Variants in EIF5B observed in about 807,000 individuals in gnomAD.
EIF5B encodes the protein eIF-5B.
In EIF5B, 47 loss-of-function variants were observed where a neutral mutation model predicts 147.5. The ratio of observed to expected loss-of-function variants is 0.32; its 90% confidence interval spans 0.25 to 0.41. The LOEUF is 0.41. Ranked by LOEUF, EIF5B falls within the 10% of genes least tolerant of loss-of-function variation. The probability of loss-of-function intolerance (pLI) is 1.00; values close to 1 mark genes in which losing one functional copy is unlikely to be tolerated. For synonymous variants in EIF5B, 455 were observed against 456.2 expected, an observed-to-expected ratio of 1.00 and a Z score of 0.03; for missense variants, 1,064 against 1,413.2, an observed-to-expected ratio of 0.75 and a Z score of 3.96.
Position 99,398,552 on chromosome 2 carries a change from C to T in EIF5B, c.3394-196C>T, listed in dbSNP as rs529053599. On this transcript the variant is annotated intron_variant, in intron 22 of 23. Coordinates refer to ENST00000289371, the MANE Select transcript of EIF5B (RefSeq NM_015904.4). Reference sequence around the variant, plus strand: ...CATTATCTCCTGTCATTCTTACAACCATCATGAAGGGAATAGGGTGTTGGT... The same window carrying T: ...CATTATCTCCTGTCATTCTTACAACTATCATGAAGGGAATAGGGTGTTGGT... 6.5e-4 allele frequency: 326 copies of T among 498,862 alleles called. 2 individuals carry two copies. Among genetic ancestry groups the T allele is most frequent in the Non-Finnish European group, 1.0e-3 (286 of 282,052 alleles). The allele number at this position is 498,862 out of a possible 1,614,324, so 30.9% of individuals were successfully genotyped here.
chr2:99,364,173 T>C (rs1357548579), intron 5 of EIF5B, 98 bp from the exon 6 acceptor site: 6 of 1,447,146 alleles, frequency 4.1e-6, no homozygotes, highest in Non-Finnish European at 9.2e-7. Flanking sequence ...ACTTTGCATG[T>C]GTCTCAAGAG....
intron 1 of EIF5B, among the ~76,000 whole-genome samples, chr2:99,343,307 A>G (rs2094264791): frequency 6.6e-6 from 1 of 151,130 alleles, no homozygotes; most frequent in Non-Finnish European, 1.5e-5. Flanking sequence ...TAGTCTGGAT[A>G]CTAGATCCTT....
intron 17 of EIF5B, 25 bp downstream of exon 17, chr2:99,390,730 C>G: frequency 6.3e-7 from 1 of 1,587,454 alleles, no homozygotes; most frequent in Non-Finnish European, 8.6e-7. Flanking sequence ...GAAGCATTGA[C>G]ACGTGGGGAC....
intron 9 of EIF5B, among the ~76,000 whole-genome samples, chr2:99,372,507 T>G (rs1674474329): frequency 6.6e-6 from 1 of 152,106 alleles, no homozygotes; most frequent in East Asian, 1.9e-4. Flanking sequence ...CCCAGCTAAT[T>G]TTGTATTTTT....
At chr2:99,376,236 T>A in intron 9 of EIF5B, 111 bp from the exon 10 acceptor site, 1 of 641,270 alleles carries the variant, frequency 1.6e-6, no homozygotes, top group Non-Finnish European at 2.5e-6. Flanking sequence ...CTTCTTGTAA[T>A]GTGGCTCAGG....
At chr2:99,379,533 C>A in intron 12 of EIF5B, 105 bp downstream of exon 12, 1 of 795,232 alleles carries the variant, frequency 1.3e-6, no homozygotes, top group Non-Finnish European at 2.0e-6. Context: ...GCTCCATATA[C>A]TCACCATTCA....
rs1427628618 is a variant in EIF5B, at chr2:99,361,277, A to G, written c.376A>G (p.Thr126Ala). Residue 126 changes from threonine (T) to alanine (A), a missense_variant, in exon 4 of 24, where the codon ACT becomes GCT. By Grantham distance (58) the Thr-to-Ala change is moderately conservative. Transcript: ENST00000289371. ...AGATAAAGATTCAAAATCAAAAAAG[A>G]CTGCAAAACCGAAAGTGGAAATGTA... is the stretch of plus-strand genomic sequence containing the variant. ...LEDKDSKSKK[T>A]AKPKVEMYSG... 9.3e-6 allele frequency: 15 copies of G among 1,612,976 alleles called. No individual in the cohort carries two copies. Among genetic ancestry groups the G allele is most frequent in the Non-Finnish European group, 1.3e-5 (15 of 1,179,750 alleles).
At chr2:99,399,259 C>G in intron 23 of EIF5B, 48 bp from the exon 24 acceptor site, 1 of 1,569,480 alleles carries the variant, frequency 6.4e-7, no homozygotes, top group Non-Finnish European at 8.8e-7. Flanking sequence ...CTTTCTTTGG[C>G]ACGTTTGTTA....
chr2:99,350,280 A>G (rs1317842891), intron 1 of EIF5B, among the ~76,000 whole-genome samples: 2 of 152,170 alleles, frequency 1.3e-5, no homozygotes, highest in Admixed American at 6.6e-5. Flanking sequence ...CAACATAGCA[A>G]TTTCATTTCC....
At chr2:99,377,979 C>T (rs1324822974) in intron 10 of EIF5B, among the ~76,000 whole-genome samples, 10 of 152,144 alleles carry the variant, frequency 6.6e-5, no homozygotes, top group African/African-American at 2.4e-4. Context: ...TTTAACACTT[C>T]ACTAAGTGTG....
intron 20 of EIF5B, 39 bp downstream of exon 20, chr2:99,394,624 G>A (rs368124870): frequency 2.2e-5 from 36 of 1,612,860 alleles, no homozygotes; most frequent in South Asian, 6.6e-5. Flanking sequence ...TTCATGTTAC[G>A]TAGCTATCTT....
intron 9 of EIF5B, among the ~76,000 whole-genome samples, chr2:99,375,005 T>C (rs1402510951): frequency 6.6e-6 from 1 of 152,202 alleles, no homozygotes; most frequent in Non-Finnish European, 1.5e-5. Context: ...TAGATCCATC[T>C]TTTGAGTTCT....
At position 99,361,837 on chromosome 2, in the gene EIF5B, G is replaced by C; in HGVS notation, c.919+17G>C. The C allele has an allele frequency of 6.6e-7, 1 of 1,506,336 alleles. No individual in the cohort carries two copies. The highest frequency in any genetic ancestry group is 1.4e-5 in the South Asian group (1 of 70,670). 93.3% of individuals were successfully genotyped at this position (1,506,336 alleles called of 1,614,324 possible). A position where few individuals can be genotyped will look rare whatever the true frequency, so the allele number is the denominator to read the frequency against. ...CTGCAGAAGGTTGGTTAATACTTTA[G>C]AGGAAAGAGCAAAAGGCTTTTGATT... On this transcript the variant is annotated intron_variant, in intron 4 of 23. Transcript: ENST00000289371.
chr2:99,381,516 GGGGTGTGT>G lies in EIF5B; in HGVS notation c.2062-641_2062-634del, dbSNP rs1179520781. On this transcript the variant is annotated intron_variant, in intron 12 of 23. Transcript: ENST00000289371. ...ATGTAGATAAGCATAATACAAAAAG[GGGGTGTGT>G]GTGTGTGTGTGTGTGTGTGTGTGTG... Among the ~76,000 whole-genome samples, 63 of 134,792 alleles carry G rather than the reference GGGGTGTGT, an allele frequency of 4.7e-4. 1 individual carries two copies. Among genetic ancestry groups the G allele is most frequent in the Admixed American group, 7.3e-4 (10 of 13,656 alleles). The allele number at this position is 134,792 out of a possible 152,430, so 88.4% of individuals were successfully genotyped here.
intron 1 of EIF5B, among the ~76,000 whole-genome samples, chr2:99,355,885 T>A (rs2032638177): frequency 1.3e-5 from 2 of 152,210 alleles, no homozygotes; most frequent in Admixed American, 1.3e-4. Context: ...AGTGCTGGGA[T>A]TACAGGCGTG....
chr2:99,340,007 A>C (rs963073402), intron 1 of EIF5B, among the ~76,000 whole-genome samples: 3 of 152,150 alleles, frequency 2.0e-5, no homozygotes, highest in African/African-American at 7.2e-5. Flanking sequence ...TTATTTTCTC[A>C]TATACCAATA....
intron 1 of EIF5B, among the ~76,000 whole-genome samples, chr2:99,346,589 C>CTTTTTTT (rs773411395): frequency 3.2e-5 from 2 of 61,670 alleles, no homozygotes; most frequent in Non-Finnish European, 5.5e-5. Flanking sequence ...AGTTGTATCT[C>CTTTTTTT]TTTTTTTTTT....
chr2:99,390,153 T>G, intron 15 of EIF5B, 66 bp from the exon 16 acceptor site: 2 of 1,572,278 alleles, frequency 1.3e-6, no homozygotes, highest in Non-Finnish European at 1.7e-6. Flanking sequence ...CGGCTTCTAG[T>G]GAGGCACACC....
At chr2:99,349,238 GT>G (rs1276931599) in intron 1 of EIF5B, among the ~76,000 whole-genome samples, 1 of 152,252 alleles carries the variant, frequency 6.6e-6, no homozygotes, top group African/African-American at 2.4e-5. Context: ...AACCTCTGCA[GT>G]GGGTAAAGAG....
Sources: gnomAD v4.1 joint callset for allele counts (sites outside exome capture counted in the v4.1 genomes callset) on GRCh38, gnomAD v4.1.1 for gene constraint, MANE v1.5 for transcripts, NCBI Gene and HGNC (gene_info 2026-07-23, HGNC 2026-07-21) for gene names.